The following HLF variants were observed in gnomAD, a reference collection of about 807,000 sequenced individuals.
HLF encodes hepatic leukemia factor.
In HLF, 3 loss-of-function variants were observed where a neutral mutation model predicts 22.6. The observed-to-expected ratio is 0.13, with a 90% CI of 0.06 to 0.34. HLF has a LOEUF of 0.34. Among genes scored for constraint, HLF ranks in the 10% least tolerant of loss-of-function variants. The pLI is 1.00. For missense variants in HLF, 299 were observed against 389.2 expected (o/e 0.77, Z 1.95); for synonymous variants, 151 against 151.8 (o/e 0.99, Z 0.04).
intron 2 of HLF, among the ~76,000 whole-genome samples, chr17:55,311,890 G>GTTTA (rs1168599657): frequency 6.6e-6 from 1 of 152,164 alleles, no homozygotes; most frequent in Non-Finnish European, 1.5e-5. Flanking sequence ...TGTACCCAAT[G>GTTTA]TTTAGTTCCT....
chr17:55,310,688 C>T (rs1904790961), intron 2 of HLF, among the ~76,000 whole-genome samples: 1 of 152,110 alleles, frequency 6.6e-6, no homozygotes, highest in Admixed American at 6.6e-5. Context: ...AAGGATGCCA[C>T]CTCTGTCTAT....
rs535227262 is a variant in HLF at position 55,321,217 on chromosome 17, C to G, written c.*338C>G. The G allele has an allele frequency of 2.4e-5, 7 of 293,942 alleles. No individual in the cohort carries two copies. In the South Asian group the frequency reaches 4.6e-4, roughly 19 times the overall value. The allele number at this position is 293,942 out of a possible 1,614,324, so 18.2% of individuals were successfully genotyped here. ...CATCCCCTCCCTCCTTCACTCCTGCCTCCTCAGCTTTGCTTCATGTTCGAG... is the reference window on the plus strand; with the variant it reads ...CATCCCCTCCCTCCTTCACTCCTGCGTCCTCAGCTTTGCTTCATGTTCGAG... On this transcript the variant is annotated 3_prime_UTR_variant, in exon 4 of 4. Coordinates refer to ENST00000226067, the MANE Select transcript of HLF (RefSeq NM_002126.5).
intron 1 of HLF, chr17:55,265,918 C>T (rs1323766229): frequency 5.8e-6 from 6 of 1,032,580 alleles, no homozygotes; most frequent in Non-Finnish European, 7.1e-6. Flanking sequence ...GAGGCACACC[C>T]GCACGCAGAG....
At chr17:55,274,225 A>G (rs1322163028) in intron 2 of HLF, among the ~76,000 whole-genome samples, 4 of 152,292 alleles carry the variant, frequency 2.6e-5, no homozygotes, top group African/African-American at 7.2e-5. Context: ...TCCAATTAGC[A>G]CTAATCACTT....
At chr17:55,295,337 C>G (rs1204726584) in intron 2 of HLF, among the ~76,000 whole-genome samples, 1 of 152,084 alleles carries the variant, frequency 6.6e-6, no homozygotes, top group Non-Finnish European at 1.5e-5. Context: ...AAATATGCAC[C>G]AGTAATTCAC....
At position 55,305,591 on chromosome 17, in the gene HLF, C is replaced by T. The variant is rs1422795822; in HGVS notation, c.452-9636C>T. 2.0e-5 allele frequency among the ~76,000 whole-genome samples: 3 copies of T among 152,236 alleles called. No individual in the cohort carries two copies. In the East Asian group the frequency reaches 5.8e-4, roughly 29 times the overall value. ...GTTGAGCCCACTGGAGTCTGCACTCCACCCAGCCTCCCCCTGGCTTTCTAG... is the reference window on the plus strand; with the variant it reads ...GTTGAGCCCACTGGAGTCTGCACTCTACCCAGCCTCCCCCTGGCTTTCTAG... On this transcript the variant is annotated intron_variant, in intron 2 of 3. Transcript: ENST00000226067.
chr17:55,306,058 A>G (rs903855705), intron 2 of HLF, among the ~76,000 whole-genome samples: 1 of 152,196 alleles, frequency 6.6e-6, no homozygotes, highest in Non-Finnish European at 1.5e-5. Context: ...GAACCTTACT[A>G]TCAGTATTAC....
intron 2 of HLF, among the ~76,000 whole-genome samples, chr17:55,300,563 C>G (rs1406467309): frequency 6.6e-6 from 1 of 152,220 alleles, no homozygotes; most frequent in Non-Finnish European, 1.5e-5. Flanking sequence ...TGTGCTCACT[C>G]CACAATATTC....
In HLF at chr17:55,300,852, T is replaced by C. The variant is rs537328840; in HGVS notation, c.452-14375T>C. On this transcript the variant is annotated intron_variant, in intron 2 of 3. Coordinates refer to ENST00000226067, the MANE Select transcript of HLF (RefSeq NM_002126.5). ...AAGTGAGTCCTTTGCTCTAATTGCA[T>C]CGATAGTTCCCCGTTCTCTTGAGGA... is the stretch of plus-strand genomic sequence containing the variant. Among the ~76,000 whole-genome samples, 12 of 152,348 alleles carry C rather than the reference T, an allele frequency of 7.9e-5. 1 individual carries two copies. Among genetic ancestry groups the C allele is most frequent in the African/African-American group, 2.9e-4 (12 of 41,576 alleles).
At chr17:55,274,513 A>G (rs2080887932) in intron 2 of HLF, among the ~76,000 whole-genome samples, 1 of 152,190 alleles carries the variant, frequency 6.6e-6, no homozygotes, top group South Asian at 2.1e-4. Flanking sequence ...CCTCTGTCTC[A>G]CCATGCACAA....
At chr17:55,314,275 C>T (rs973733734) in intron 2 of HLF, among the ~76,000 whole-genome samples, 1 of 152,218 alleles carries the variant, frequency 6.6e-6, no homozygotes, top group Admixed American at 6.5e-5. Context: ...GTAGGACCCT[C>T]AAGTGGAAGT....
intron 1 of HLF, among the ~76,000 whole-genome samples, chr17:55,267,074 T>C (rs1315694603): frequency 1.3e-5 from 2 of 152,198 alleles, no homozygotes; most frequent in Non-Finnish European, 2.9e-5. Context: ...ACATGTGAGC[T>C]CAGAAAGTTC....
At chr17:55,295,420 T>C (rs2081102781) in intron 2 of HLF, among the ~76,000 whole-genome samples, 1 of 152,114 alleles carries the variant, frequency 6.6e-6, no homozygotes, top group South Asian at 2.1e-4. Flanking sequence ...AACAGAAAAT[T>C]TAAAACGTTT....
chr17:55,287,048 G>A (rs1402385999), intron 2 of HLF, among the ~76,000 whole-genome samples: 1 of 152,154 alleles, frequency 6.6e-6, no homozygotes, highest in African/African-American at 2.4e-5. Flanking sequence ...AAGTTCTCAC[G>A]TGGCTGGTAG....
rs117434247 is a variant in HLF, at chr17:55,270,480, G to A, written c.451+2394G>A. ...AAACCTGAAAAAGGAGAAAGTTCTTGATTATTCTGTGTGGCTCACAGGAGT... is the reference window on the plus strand; with the variant it reads ...AAACCTGAAAAAGGAGAAAGTTCTTAATTATTCTGTGTGGCTCACAGGAGT... On this transcript the variant is annotated intron_variant, in intron 2 of 3. Transcript: ENST00000226067. 9.8e-4 allele frequency among the ~76,000 whole-genome samples: 149 copies of A among 152,306 alleles called. 2 individuals carry two copies. In the East Asian group the frequency reaches 0.027, roughly 28 times the overall value.
intron 2 of HLF, among the ~76,000 whole-genome samples, chr17:55,294,575 G>C (rs565252130): frequency 6.6e-6 from 1 of 152,332 alleles, no homozygotes; most frequent in Non-Finnish European, 1.5e-5. Context: ...AAGGCAAGTT[G>C]TACGAGCAAA....
At chr17:55,298,465 A>C (rs771451291) in intron 2 of HLF, among the ~76,000 whole-genome samples, 4 of 152,200 alleles carry the variant, frequency 2.6e-5, no homozygotes, top group Non-Finnish European at 5.9e-5. Flanking sequence ...GTGAAATATA[A>C]AGGCAGATTT....
chr17:55,306,905 C>A (rs1276253498), intron 2 of HLF, among the ~76,000 whole-genome samples: 2 of 152,032 alleles, frequency 1.3e-5, no homozygotes, highest in Non-Finnish European at 2.9e-5. Context: ...GCCCAATACA[C>A]TTCTGACCTC....
chr17:55,266,591 A>G (rs995981154), intron 1 of HLF, among the ~76,000 whole-genome samples: 1 of 152,228 alleles, frequency 6.6e-6, no homozygotes, highest in Non-Finnish European at 1.5e-5. Flanking sequence ...GATGATAGCC[A>G]GGGACCCCTC....
Sources: allele counts gnomAD v4.1 joint callset (sites outside exome capture counted in the v4.1 genomes callset), GRCh38; gene constraint gnomAD v4.1.1; transcripts MANE v1.5; gene names NCBI Gene and HGNC (gene_info 2026-07-23, HGNC 2026-07-21).